The following CUX1 variants were observed in gnomAD, a reference collection of about 807,000 sequenced individuals.
CUX1 encodes the protein cut like homeobox 1, also known as protein CASP.
In CUX1, 31 loss-of-function variants were observed where a neutral mutation model predicts 158.8. The ratio of observed to expected loss-of-function variants is 0.20; its 90% CI spans 0.15 to 0.26. The LOEUF is 0.26. Ranked by LOEUF, CUX1 falls within the 10% of genes least tolerant of loss-of-function variation. The probability of loss-of-function intolerance (pLI) is 1.00; values close to 1 mark genes in which losing one functional copy is unlikely to be tolerated. For missense variants in CUX1, 1,589 were observed against 2,014.6 expected (o/e 0.79, Z 4.04); for synonymous variants, 879 against 862.1 (o/e 1.02, Z -0.34).
rs1317123264 is a variant in CUX1 at position 102,056,419 on chromosome 7, C to T, written c.190-13920C>T. On this transcript the variant is annotated intron_variant, in intron 3 of 23. Coordinates refer to ENST00000292535, the MANE Select transcript of CUX1 (RefSeq NM_181552.4). ...TTGAAGCCATTGCTCATTTACCATT[C>T]GGAAAAATCCTAGGGCCTTCAGAAT... 2.6e-5 allele frequency among the ~76,000 whole-genome samples: 4 copies of T among 152,208 alleles called. No individual in the cohort carries two copies. In the East Asian group the frequency reaches 5.8e-4, roughly 22 times the overall value.
intron 20 of CUX1, among the ~76,000 whole-genome samples, chr7:102,213,854 C>T (rs1448971359): frequency 2.6e-5 from 4 of 152,082 alleles, no homozygotes; most frequent in African/African-American, 9.7e-5. Context: ...TAAGTGAGGC[C>T]GGGCTCAGTG....
chr7:101,940,311 G>A (rs1807550298), intron 2 of CUX1, among the ~76,000 whole-genome samples: 1 of 151,988 alleles, frequency 6.6e-6, no homozygotes, highest in South Asian at 2.1e-4. Flanking sequence ...TGTCACCAGT[G>A]GAAAAAAGAT....
At chr7:102,123,191 A>C (rs1168066494) in intron 8 of CUX1, among the ~76,000 whole-genome samples, 1 of 152,088 alleles carries the variant, frequency 6.6e-6, no homozygotes, top group Non-Finnish European at 1.5e-5. Context: ...AGATCGCGCC[A>C]CTACACTCCA....
Position 101,870,964 on chromosome 7 carries a change from A to G in CUX1, c.31-45151A>G, listed in dbSNP as rs139899811. Among the ~76,000 whole-genome samples, 1,194 of 152,348 alleles carry G rather than the reference A, an allele frequency of 7.8e-3. 17 individuals are homozygous for G. The highest frequency in any genetic ancestry group is 0.026 in the African/African-American group (1,071 of 41,580). On this transcript the variant is annotated intron_variant, in intron 1 of 23. Coordinates refer to ENST00000292535, the MANE Select transcript of CUX1 (RefSeq NM_181552.4). Reference sequence around the variant, plus strand: ...TCTCCCCAAGCTGAGCTCACCTGCCAGTGCCTTGGATGGACCTAGCCACCA... The same window carrying G: ...TCTCCCCAAGCTGAGCTCACCTGCCGGTGCCTTGGATGGACCTAGCCACCA...
At chr7:101,871,022 C>G (rs915430359) in intron 1 of CUX1, among the ~76,000 whole-genome samples, 1 of 152,190 alleles carries the variant, frequency 6.6e-6, no homozygotes, top group Non-Finnish European at 1.5e-5. Context: ...GCGGGTGTTG[C>G]CCAGAGCAGG....
chr7:101,971,745 C>T (rs575481393), intron 2 of CUX1, among the ~76,000 whole-genome samples: 9 of 152,284 alleles, frequency 5.9e-5, no homozygotes, highest in South Asian at 2.1e-4. Context: ...TAAAGATCCT[C>T]GTAAAAAGAA....
intron 1 of CUX1, among the ~76,000 whole-genome samples, chr7:101,889,356 C>CT (rs1351464967): frequency 6.6e-6 from 1 of 151,806 alleles, no homozygotes; most frequent in Non-Finnish European, 1.5e-5. Flanking sequence ...AGCCCTGTGG[C>CT]TTTTTCCCTA....
rs1428200578 is a variant in CUX1, at chr7:102,250,359, G to A, written c.*1317G>A. 1.0e-5 allele frequency: 10 copies of A among 980,572 alleles called. No individual in the cohort carries two copies. Among genetic ancestry groups the A allele is most frequent in the Non-Finnish European group, 9.7e-6 (8 of 825,310 alleles). The allele number at this position is 980,572 out of a possible 1,614,324, so 60.7% of individuals were successfully genotyped here. ...AGTCTACGGATCTCTCTCTGGCACA[G>A]AAGGCACCTCACCTCACACCACTCT... On this transcript the variant is annotated 3_prime_UTR_variant, in exon 24 of 24. Transcript: ENST00000292535.
At position 102,200,066 on chromosome 7, in the gene CUX1, C is replaced by CA; in HGVS notation, c.1961-4dup. ...TGATGTCATTGGCGCAACTTCTCCCCACAGGTAACATCACCACCCGGATCC... is the reference window on the plus strand; with the variant it reads ...TGATGTCATTGGCGCAACTTCTCCCCAACAGGTAACATCACCACCCGGATCC... On this transcript the variant is annotated splice_region_variant and splice_polypyrimidine_tract_variant and intron_variant, in intron 16 of 23. Transcript: ENST00000292535. 6.2e-7 allele frequency: 1 copy of CA among 1,607,006 alleles called. No individual in the cohort carries two copies. The highest frequency in any genetic ancestry group is 2.2e-5 in the East Asian group (1 of 44,562).
intron 1 of CUX1, among the ~76,000 whole-genome samples, chr7:101,823,979 C>T (rs1482055841): frequency 6.6e-6 from 1 of 152,214 alleles, no homozygotes; most frequent in Admixed American, 6.5e-5. Context: ...CATTTCCCCC[C>T]AAAAGCAAGA....
intron 1 of CUX1, among the ~76,000 whole-genome samples, chr7:101,865,343 G>A (rs1042587253): frequency 6.6e-6 from 1 of 152,266 alleles, no homozygotes. Context: ...TGCAGTGGAT[G>A]TGTGTGCACA....
intron 3 of CUX1, among the ~76,000 whole-genome samples, chr7:102,063,133 TA>T (rs150942007): frequency 0.039 from 5,835 of 149,438 alleles, 308 homozygotes; most frequent in African/African-American, 0.12. Context: ...AACACTACAT[TA>T]AAAAAAAAAA....
chr7:101,961,133 G>A (rs1810431547), intron 2 of CUX1: 1 of 152,184 alleles, frequency 6.6e-6, no homozygotes, highest in South Asian at 2.1e-4. Context: ...AGCTGCCCAG[G>A]AGACAGGCTG....
intron 10 of CUX1, 25 bp downstream of exon 10, chr7:102,170,575 G>T (rs201064765): frequency 6.6e-7 from 1 of 1,520,094 alleles, no homozygotes; most frequent in East Asian, 2.4e-5. Context: ...CCCCGTGGGG[G>T]ACTGTCCCCG....
In CUX1 at chr7:102,121,348, G is replaced by GTT. The variant is rs3216525; in HGVS notation, c.674+6088_674+6089dup. Among the ~76,000 whole-genome samples the GTT allele has an allele frequency of 5.2e-3, 687 of 131,630 alleles. 5 individuals are homozygous for GTT. Among genetic ancestry groups the GTT allele is most frequent in the African/African-American group, 0.015 (538 of 35,404 alleles). 86.4% of individuals were successfully genotyped at this position (131,630 alleles called of 152,430 possible). A position where few individuals can be genotyped will look rare whatever the true frequency, so the allele number is the denominator to read the frequency against. On this transcript the variant is annotated intron_variant, in intron 8 of 23. Coordinates refer to ENST00000292535, the MANE Select transcript of CUX1 (RefSeq NM_181552.4). ...ATGCCTGGCTAATTTTTGCTTTTTGGTTTTTTTTTTTTTTGGAGACTGAGT... is the reference window on the plus strand; with the variant it reads ...ATGCCTGGCTAATTTTTGCTTTTTGGTTTTTTTTTTTTTTTTGGAGACTGAGT...
At chr7:101,872,020 C>A (rs112197267) in intron 1 of CUX1, among the ~76,000 whole-genome samples, 56,469 of 141,822 alleles carry the variant, frequency 0.4, 12,011 homozygotes, top group East Asian at 0.88. Context: ...TCCATCCCCC[C>A]AAAAAAAAAA....
intron 2 of CUX1, among the ~76,000 whole-genome samples, chr7:101,938,910 G>A (rs1306478995): frequency 2.0e-5 from 3 of 151,362 alleles, no homozygotes; most frequent in African/African-American, 7.3e-5. Context: ...GCATGGTGGT[G>A]TATGTCTGTA....
chr7:102,202,138 G>C lies in CUX1; in HGVS notation c.2841G>C (p.Glu947Asp). The change falls in exon 18 of 24, where the codon GAG (glutamate) becomes GAC (aspartate). Residue 947 changes from glutamate to aspartate, a missense_variant. By Grantham distance (45) the Glu-to-Asp change is conservative. Coordinates refer to ENST00000292535, the MANE Select transcript of CUX1 (RefSeq NM_181552.4). ...TGTACCAGGAGGTGGACACCATCGA[G>C]CTCACCCGGCAGGTTAAGGAAAAGC... ...VYMYQEVDTI[E>D]LTRQVKEKLA... is the part of the protein sequence containing the mutation. The C allele has an allele frequency of 6.2e-7, 1 of 1,613,912 alleles. No homozygotes were observed. Among genetic ancestry groups the C allele is most frequent in the South Asian group, 1.1e-5 (1 of 91,058 alleles).
Position 102,252,317 on chromosome 7 carries a change from A to C in CUX1, c.*3275A>C. ...GCTAAGCAGTATTCAAGTGCCTTGAACAGTGTCCCCTCGGCATGGCTCCCC... is the reference window on the plus strand; with the variant it reads ...GCTAAGCAGTATTCAAGTGCCTTGACCAGTGTCCCCTCGGCATGGCTCCCC... On this transcript the variant is annotated 3_prime_UTR_variant, in exon 24 of 24. Coordinates refer to ENST00000292535, the MANE Select transcript of CUX1 (RefSeq NM_181552.4). 1 of 985,432 alleles carries C rather than the reference A, an allele frequency of 1.0e-6. No individual in the cohort carries two copies. Among genetic ancestry groups the C allele is most frequent in the Non-Finnish European group, 1.2e-6 (1 of 829,952 alleles). The allele number at this position is 985,432 out of a possible 1,614,324, so 61.0% of individuals were successfully genotyped here.
Sources: allele counts gnomAD v4.1 joint callset (sites outside exome capture counted in the v4.1 genomes callset), GRCh38; gene constraint gnomAD v4.1.1; transcripts MANE v1.5; gene names NCBI Gene and HGNC (gene_info 2026-07-23, HGNC 2026-07-21).